Variants in TPP2 observed in about 807,000 individuals in gnomAD.
TPP2 encodes the protein tripeptidyl-peptidase 2.
In TPP2, 34 loss-of-function variants were observed where a neutral mutation model predicts 155.9. The observed-to-expected ratio is 0.22, with a 90% CI of 0.17 to 0.29. TPP2 has a LOEUF of 0.29. Ranked by LOEUF, TPP2 falls within the 10% of genes least tolerant of loss-of-function variation. The pLI, the probability that TPP2 is intolerant of heterozygous loss-of-function variation, is 1.00. For missense variants in TPP2, 1,028 were observed against 1,522.3 expected, an observed-to-expected ratio of 0.68 and a Z score of 5.40; for synonymous variants, 510 against 529.4, an observed-to-expected ratio of 0.96 and a Z score of 0.50.
At chr13:102,628,701 C>T (rs1269227004) in intron 8 of TPP2, among the ~76,000 whole-genome samples, 1 of 152,168 alleles carries the variant, frequency 6.6e-6, no homozygotes, top group Non-Finnish European at 1.5e-5. Context: ...CCATTCCCAT[C>T]ACCAAGCTAT....
chr13:102,664,854 A>G lies in TPP2; in HGVS notation c.3300A>G (p.Ile1100Met), dbSNP rs182670976. 181 of 1,613,828 alleles carry G rather than the reference A, an allele frequency of 1.1e-4. No individual in the cohort carries two copies. The highest frequency in any genetic ancestry group is 1.6e-5 in the Non-Finnish European group (19 of 1,179,844). ...VDAANAVISHIDQTALAVYIA... is the reference protein window; with the variant it reads ...VDAANAVISHMDQTALAVYIA... ...CGGCAAATGCTGTTATTTCTCATAT[A>G]GATCAAACAGCCCTAGCAGTTTATA... Residue 1100 changes from isoleucine to methionine, a missense_variant, in exon 27 of 30, where the codon ATA becomes ATG. Coordinates refer to ENST00000376052, the MANE Select transcript of TPP2 (RefSeq NM_001330588.2).
At chr13:102,635,418 C>T (rs966208131) in intron 11 of TPP2, among the ~76,000 whole-genome samples, 169 bp from the exon 12 acceptor site, 3 of 152,140 alleles carry the variant, frequency 2.0e-5, no homozygotes, top group African/African-American at 4.8e-5. Flanking sequence ...GTAATGCAAG[C>T]AGTTTGAGTC....
chr13:102,671,206 G>A (rs1884961085), intron 27 of TPP2, among the ~76,000 whole-genome samples: 1 of 152,218 alleles, frequency 6.6e-6, no homozygotes, highest in Admixed American at 6.5e-5. Flanking sequence ...TCAAACTACA[G>A]GAATTGCCGC....
At chr13:102,645,098 A>T in intron 19 of TPP2, 89 bp downstream of exon 19, 1 of 1,116,434 alleles carries the variant, frequency 9.0e-7, no homozygotes, top group Non-Finnish European at 1.3e-6. Context: ...TTTTTTTTTT[A>T]ATCCACCTGC....
chr13:102,627,545 A>AT (rs576034671), intron 7 of TPP2, among the ~76,000 whole-genome samples: 186 of 151,734 alleles, frequency 1.2e-3, no homozygotes, highest in African/African-American at 4.2e-3. Context: ...AATTTTAGTG[A>AT]TTTTTTAACC....
chr13:102,656,970 G>A, intron 24 of TPP2, 86 bp from the exon 25 acceptor site: 1 of 1,407,020 alleles, frequency 7.1e-7, no homozygotes, highest in Admixed American at 2.4e-5. Flanking sequence ...TGCAGCCCAT[G>A]TTACATGACA....
intron 11 of TPP2, 43 bp downstream of exon 11, chr13:102,634,141 A>G (rs369380457): frequency 7.0e-5 from 113 of 1,606,638 alleles, no homozygotes; most frequent in Non-Finnish European, 9.1e-5. Flanking sequence ...GCAGACCAAT[A>G]TTTTTGTTTT....
chr13:102,630,375 A>G (rs1881939739), intron 10 of TPP2, among the ~76,000 whole-genome samples, 180 bp downstream of exon 10: 1 of 152,210 alleles, frequency 6.6e-6, no homozygotes, highest in African/African-American at 2.4e-5. Context: ...TAAATGAAAT[A>G]GTTTCATTGT....
chr13:102,670,821 C>T (rs1036432813), intron 27 of TPP2, among the ~76,000 whole-genome samples: 12 of 152,008 alleles, frequency 7.9e-5, no homozygotes, highest in Admixed American at 5.2e-4. Flanking sequence ...TCTTACTGAC[C>T]GGTAAGTTAG....
chr13:102,602,669 C>G (rs1226112364), intron 1 of TPP2, among the ~76,000 whole-genome samples: 2 of 152,214 alleles, frequency 1.3e-5, no homozygotes, highest in East Asian at 3.8e-4. Context: ...CCCTCTCCTT[C>G]TTCAGGGTAT....
intron 24 of TPP2, among the ~76,000 whole-genome samples, chr13:102,654,153 A>G (rs563197344): frequency 1.3e-5 from 2 of 152,174 alleles, no homozygotes; most frequent in Non-Finnish European, 2.9e-5. Context: ...ATTAATATTT[A>G]TTGGCACAAA....
Position 102,676,303 on chromosome 13 carries a change from C to A in TPP2, c.3587C>A (p.Thr1196Lys). ...TCATGTTTTACATTGTAGGTTTTGA[C>A]ATTTGCATATAAACATGCATTAGTA... The part of the protein sequence containing the change: ...WTDLFDNKVL[T>K]FAYKHALVNK... Residue 1196 changes from threonine to lysine, a missense_variant, in exon 29 of 30, where the codon ACA becomes AAA. Thr to Lys is a moderately conservative substitution (Grantham distance 78). Around this residue, in one of 7 missense-constraint regions of TPP2, gnomAD observed 116 missense variants for 117.3 expected, o/e 0.99. Transcript: ENST00000376052. 6.3e-7 allele frequency: 1 copy of A among 1,597,900 alleles called. No individual in the cohort carries two copies. The highest frequency in any genetic ancestry group is 8.5e-7 in the Non-Finnish European group (1 of 1,169,598).
chr13:102,676,821 T>G (rs1454956149), intron 29 of TPP2, among the ~76,000 whole-genome samples: 1 of 152,230 alleles, frequency 6.6e-6, no homozygotes, highest in Non-Finnish European at 1.5e-5. Flanking sequence ...ATTTTTAAAA[T>G]TATCTTACCA....
intron 3 of TPP2, 48 bp from the exon 4 acceptor site, chr13:102,616,348 C>T (rs1880724856): frequency 6.8e-7 from 1 of 1,464,434 alleles, no homozygotes; most frequent in Middle Eastern, 1.8e-4. Context: ...CTAGGTTTAC[C>T]TGAGTATTTG....
chr13:102,655,590 C>G (rs1883802650), intron 24 of TPP2, among the ~76,000 whole-genome samples: 1 of 152,190 alleles, frequency 6.6e-6, no homozygotes, highest in African/African-American at 2.4e-5. Context: ...CAAGACTTAT[C>G]TGTGAATAAA....
intron 1 of TPP2, among the ~76,000 whole-genome samples, chr13:102,600,175 C>T (rs1345235107): frequency 6.6e-6 from 1 of 152,150 alleles, no homozygotes; most frequent in African/African-American, 2.4e-5. Context: ...CCTTCATCCC[C>T]ACCTTTCATC....
intron 25 of TPP2, among the ~76,000 whole-genome samples, chr13:102,659,375 A>C (rs570003365): frequency 6.6e-6 from 1 of 152,304 alleles, no homozygotes; most frequent in Admixed American, 6.5e-5. Context: ...AACTCAATGA[A>C]CTCAAAGTAA....
chr13:102,676,981 G>A (rs971716965), intron 29 of TPP2, among the ~76,000 whole-genome samples: 4 of 152,178 alleles, frequency 2.6e-5, no homozygotes, highest in African/African-American at 7.2e-5. Flanking sequence ...TAAAGGATAC[G>A]TGAAGGCAGG....
Position 102,644,915 on chromosome 13 carries a change from T to A in TPP2, c.2299T>A (p.Ser767Thr). 1 of 1,613,742 alleles carries A rather than the reference T, an allele frequency of 6.2e-7. No homozygotes were observed. Among genetic ancestry groups the A allele is most frequent in the Non-Finnish European group, 8.5e-7 (1 of 1,179,826 alleles). The change falls in exon 19 of 30, where the codon TCG becomes ACG. Residue 767 changes from serine (S) to threonine (T), a missense_variant. By Grantham distance (58) the Ser-to-Thr change is moderately conservative (BLOSUM62 1). Transcript: ENST00000376052. ...TTTGAGAAATCCTTTGTAGCATGCA[T>A]CGGAAGGAATCAACCGCTTTGATGT... ...CTAPQLNIHA[S>T]EGINRFDVQS...
Sources: gnomAD v4.1 joint callset for allele counts (sites outside exome capture counted in the v4.1 genomes callset) on GRCh38, gnomAD v4.1.1 for gene constraint, gnomAD v4.1.1 regional missense constraint, MANE v1.5 for transcripts, NCBI Gene and HGNC (gene_info 2026-07-23, HGNC 2026-07-21) for gene names.